CSMD3: variants seen among roughly 807,000 people sequenced by gnomAD.
The protein encoded by CSMD3 is CUB and Sushi multiple domains 3.
In CSMD3, 177 loss-of-function variants were observed where a neutral mutation model predicts 435.2. The ratio of observed to expected loss-of-function variants is 0.41; its 90% CI spans 0.36 to 0.46. The LOEUF is 0.46. Ranked by LOEUF, CSMD3 falls within the 20% of genes least tolerant of loss-of-function variation. CSMD3 has a pLI of 0.34. For missense variants in CSMD3, 4,265 were observed against 4,504.6 expected, an observed-to-expected ratio of 0.95 and a Z score of 1.52; for synonymous variants, 1,656 against 1,520.5, an observed-to-expected ratio of 1.09 and a Z score of -2.07.
chr8:112,770,752 C>A (rs2078093340), intron 13 of CSMD3, among the ~76,000 whole-genome samples: 1 of 151,884 alleles, frequency 6.6e-6, no homozygotes, highest in African/African-American at 2.4e-5. Flanking sequence ...AATATAATAA[C>A]ATACATTATA....
intron 5 of CSMD3, among the ~76,000 whole-genome samples, chr8:113,054,448 A>T (rs2131338986): frequency 6.6e-6 from 1 of 152,294 alleles, no homozygotes; most frequent in African/African-American, 2.4e-5. Context: ...TCCCATGAAG[A>T]TATCATATTT....
intron 1 of CSMD3, among the ~76,000 whole-genome samples, chr8:113,408,468 T>C (rs2094542956): frequency 6.6e-6 from 1 of 152,088 alleles, no homozygotes. Flanking sequence ...CTAAGGACGT[T>C]TTTCAATTAA....
intron 36 of CSMD3, 69 bp from the exon 37 acceptor site, chr8:112,383,732 T>C: frequency 1.0e-6 from 1 of 955,488 alleles, no homozygotes; most frequent in Non-Finnish European, 1.7e-6. Context: ...AGTCCACCAA[T>C]CCCCCTTGGA....
intron 3 of CSMD3, among the ~76,000 whole-genome samples, chr8:113,195,814 T>TATATACAC (rs1344054794): frequency 5.2e-4 from 69 of 133,434 alleles, no homozygotes; most frequent in African/African-American, 1.9e-3. Flanking sequence ...TATATATATA[T>TATATACAC]ACACACACAC....
chr8:112,985,038 A>AGATAGATAGATAGAT (rs2085204152), intron 6 of CSMD3, among the ~76,000 whole-genome samples: 1 of 151,672 alleles, frequency 6.6e-6, no homozygotes, highest in African/African-American at 2.4e-5. Context: ...ATAGATAGAT[A>AGATAGATAGATAGAT]ATCTTCACCC....
chr8:113,425,950 G>T (rs1344087169), intron 1 of CSMD3, among the ~76,000 whole-genome samples: 1 of 151,458 alleles, frequency 6.6e-6, no homozygotes, highest in Non-Finnish European at 1.5e-5. Context: ...TTATGCATCA[G>T]CCAAAATATC....
intron 59 of CSMD3, among the ~76,000 whole-genome samples, chr8:112,266,261 G>A (rs1454050353): frequency 6.6e-6 from 1 of 152,138 alleles, no homozygotes; most frequent in East Asian, 1.9e-4. Flanking sequence ...GGACAATAGT[G>A]CAATGTGAAC....
intron 32 of CSMD3, among the ~76,000 whole-genome samples, chr8:112,440,706 G>T (rs1231942536): frequency 3.9e-5 from 6 of 152,186 alleles, no homozygotes; most frequent in Non-Finnish European, 8.8e-5. Flanking sequence ...GTACCCACAG[G>T]TCCAACGCCA....
chr8:112,383,536 T>C (rs1227114319), intron 37 of CSMD3, 31 bp downstream of exon 37: 3 of 1,137,558 alleles, frequency 2.6e-6, no homozygotes, highest in Middle Eastern at 1.9e-4. Context: ...ATTATATCTG[T>C]ATTTTAATTA....
chr8:112,550,755 T>A lies in CSMD3; in HGVS notation c.4480A>T (p.Ile1494Phe). Reference sequence around the variant, plus strand: ...GTTACTATATTGAGGGTGCTATGAATTCCTTCAGGAATAAGAGATCCACTA... The same window carrying A: ...GTTACTATATTGAGGGTGCTATGAAATCCTTCAGGAATAAGAGATCCACTA... Reference protein sequence around the residue: ...EISGSLIPEGIHSTLNIVTIQ... With the variant: ...EISGSLIPEGFHSTLNIVTIQ... Residue 1494 changes from isoleucine (I) to phenylalanine (F), a missense_variant, in exon 27 of 71, where the codon ATT becomes TTT. Around this residue, in one of 3 missense-constraint regions of CSMD3, gnomAD observed 3,255 missense variants for 3,380.2 expected, o/e 0.96. Coordinates refer to ENST00000297405, the MANE Select transcript of CSMD3 (RefSeq NM_198123.2). 3.7e-6 allele frequency: 6 copies of A among 1,604,810 alleles called. No individual in the cohort carries two copies. Among genetic ancestry groups the A allele is most frequent in the Non-Finnish European group, 5.1e-6 (6 of 1,171,908 alleles).
At chr8:112,685,368 A>T (rs1323366212) in intron 15 of CSMD3, 38 bp downstream of exon 15, 1 of 1,530,828 alleles carries the variant, frequency 6.5e-7, no homozygotes, top group African/African-American at 1.4e-5. Flanking sequence ...ATTTATAGAA[A>T]TATATTATAT....
chr8:113,386,666 G>C (rs9649937), intron 1 of CSMD3, among the ~76,000 whole-genome samples: 117,883 of 151,600 alleles, frequency 0.78, 46,461 homozygotes, highest in East Asian at 0.94. Flanking sequence ...GGACTCAATG[G>C]CAATCATAGC....
At chr8:112,873,124 T>A (rs2081183519) in intron 10 of CSMD3, among the ~76,000 whole-genome samples, 1 of 152,036 alleles carries the variant, frequency 6.6e-6, no homozygotes, top group South Asian at 2.1e-4. Flanking sequence ...AAACTGTTTT[T>A]TTGTTTGTTT....
At chr8:112,297,596 T>C (rs1436145248) in intron 53 of CSMD3, among the ~76,000 whole-genome samples, 1 of 152,084 alleles carries the variant, frequency 6.6e-6, no homozygotes, top group East Asian at 1.9e-4. Context: ...AAAGACATTG[T>C]TAAAAAAACC....
At chr8:112,883,554 A>AT (rs2081506265) in intron 10 of CSMD3, among the ~76,000 whole-genome samples, 2 of 151,876 alleles carry the variant, frequency 1.3e-5, no homozygotes, top group South Asian at 2.1e-4. Context: ...ACTTTTTAGA[A>AT]TTTTTTTGTA....
chr8:112,847,115 C>T (rs1379274597), intron 11 of CSMD3, among the ~76,000 whole-genome samples: 2 of 152,024 alleles, frequency 1.3e-5, no homozygotes, highest in African/African-American at 4.8e-5. Context: ...TCAGTTTATC[C>T]CTGTACTGCT....
chr8:113,037,599 C>T (rs771483661), intron 5 of CSMD3, among the ~76,000 whole-genome samples: 15 of 152,112 alleles, frequency 9.9e-5, no homozygotes, highest in Non-Finnish European at 1.8e-4. Context: ...GATGTAGTTA[C>T]AATTTTATTT....
chr8:112,520,259 G>C (rs1215446765), intron 27 of CSMD3, among the ~76,000 whole-genome samples: 1 of 152,034 alleles, frequency 6.6e-6, no homozygotes, highest in Non-Finnish European at 1.5e-5. Flanking sequence ...CAAAGCACTT[G>C]ACTAGCAGCT....
At chr8:113,380,983 C>G (rs2094412739) in intron 1 of CSMD3, among the ~76,000 whole-genome samples, 1 of 152,146 alleles carries the variant, frequency 6.6e-6, no homozygotes, top group South Asian at 2.1e-4. Flanking sequence ...TTCCCTCAGG[C>G]CTTTTCCAGG....
Sources: allele counts gnomAD v4.1 joint callset (sites outside exome capture counted in the v4.1 genomes callset), GRCh38; gene constraint gnomAD v4.1.1; regional missense constraint gnomAD v4.1.1; transcripts MANE v1.5; gene names NCBI Gene and HGNC (gene_info 2026-07-23, HGNC 2026-07-21).